Variants in RPS6KC1 observed in about 807,000 individuals in gnomAD.
The protein encoded by RPS6KC1 is ribosomal protein S6 kinase C1.
Under a neutral mutation model 103.8 loss-of-function variants are expected in RPS6KC1, and 54 were observed. That is an observed-to-expected ratio of 0.52 (90% CI 0.42 to 0.65). The LOEUF (loss-of-function observed/expected upper bound fraction) is 0.65, where lower values mean the gene tolerates loss of function less well. Ranked by LOEUF, RPS6KC1 falls within the 30% of genes least tolerant of loss-of-function variation. The probability of loss-of-function intolerance (pLI) is 0.00; values close to 1 mark genes in which losing one functional copy is unlikely to be tolerated. For missense variants in RPS6KC1, 1,151 were observed against 1,253.8 expected (o/e 0.92, Z 1.24); for synonymous variants, 439 against 438.7 (o/e 1.00, Z -0.01).
the RPS6KC1 span, among the ~76,000 whole-genome samples, chr1:213,466,923 C>T: frequency 6.6e-6 from 1 of 152,040 alleles, no homozygotes; most frequent in South Asian, 2.1e-4. Context: ...AAGCAGTTAT[C>T]CAATTTAATA....
chr1:213,722,768 A>G, the RPS6KC1 span, among the ~76,000 whole-genome samples: 4 of 152,190 alleles, frequency 2.6e-5, no homozygotes, highest in Non-Finnish European at 4.4e-5. Context: ...GGGACTCCGC[A>G]GAGGAGTCCG....
chr1:213,850,065 TCTC>T, the RPS6KC1 span, among the ~76,000 whole-genome samples: 9 of 152,172 alleles, frequency 5.9e-5, no homozygotes, highest in African/African-American at 2.2e-4. Context: ...TTTTCCTTCT[TCTC>T]CAATAGTAAC....
At chr1:213,513,198 C>G in the RPS6KC1 span, among the ~76,000 whole-genome samples, 1 of 152,018 alleles carries the variant, frequency 6.6e-6, no homozygotes, top group South Asian at 2.1e-4. Flanking sequence ...GGGCCATGAG[C>G]CAAGGAATGT....
At chr1:213,735,332 A>T in the RPS6KC1 span, among the ~76,000 whole-genome samples, 1 of 152,108 alleles carries the variant, frequency 6.6e-6, no homozygotes, top group African/African-American at 2.4e-5. Flanking sequence ...TTGCCTGGGG[A>T]TGTTCAGTCT....
the RPS6KC1 span, among the ~76,000 whole-genome samples, chr1:213,780,699 G>A: frequency 2.7e-3 from 415 of 152,222 alleles, 1 homozygote; most frequent in African/African-American, 9.5e-3. Flanking sequence ...ATGGCACTTC[G>A]GGGAGGGATG....
chr1:213,240,079 G>T (rs1217801548), intron 10 of RPS6KC1, among the ~76,000 whole-genome samples: 1 of 152,046 alleles, frequency 6.6e-6, no homozygotes, highest in Admixed American at 6.6e-5. Flanking sequence ...CTTTATTAAT[G>T]GTTGCCCAAT....
chr1:213,622,839 A>G, the RPS6KC1 span, among the ~76,000 whole-genome samples: 1 of 152,132 alleles, frequency 6.6e-6, no homozygotes, highest in East Asian at 1.9e-4. Context: ...TTCTAAAACC[A>G]CAAACCACTA....
At chr1:213,775,358 A>C in the RPS6KC1 span, among the ~76,000 whole-genome samples, 1 of 152,126 alleles carries the variant, frequency 6.6e-6, no homozygotes, top group Admixed American at 6.5e-5. Flanking sequence ...TTCTTCCCTA[A>C]ATTTTTTATA....
At chr1:213,745,226 G>A in the RPS6KC1 span, among the ~76,000 whole-genome samples, 1 of 138,668 alleles carries the variant, frequency 7.2e-6, no homozygotes, top group East Asian at 2.7e-4. Context: ...TGGAAGCTAG[G>A]GTTTTTTTTT....
chr1:213,828,472 GT>G, the RPS6KC1 span, among the ~76,000 whole-genome samples: 1 of 152,192 alleles, frequency 6.6e-6, no homozygotes, highest in Non-Finnish European at 1.5e-5. Context: ...CCGTGCACAT[GT>G]TTTAAAAACA....
At chr1:213,821,797 C>G in the RPS6KC1 span, 2 of 152,348 alleles carry the variant, frequency 1.3e-5, no homozygotes, top group Admixed American at 6.5e-5. Flanking sequence ...ATTCATCTCC[C>G]AAGAGGAGAA....
the RPS6KC1 span, among the ~76,000 whole-genome samples, chr1:213,335,698 G>A: frequency 6.6e-6 from 1 of 152,200 alleles, no homozygotes; most frequent in Non-Finnish European, 1.5e-5. Context: ...GGAAATATAG[G>A]TTTTATTCAA....
chr1:213,677,739 G>A, the RPS6KC1 span, among the ~76,000 whole-genome samples: 22 of 152,290 alleles, frequency 1.4e-4, no homozygotes, highest in African/African-American at 5.3e-4. Flanking sequence ...TGGGTGTGGT[G>A]GCTCATACCT....
intron 8 of RPS6KC1, among the ~76,000 whole-genome samples, chr1:213,215,009 C>T (rs778029094): frequency 3.9e-4 from 59 of 152,260 alleles, no homozygotes; most frequent in Admixed American, 7.2e-4. Flanking sequence ...TCACCAGCAA[C>T]GGAACAAAGC....
the RPS6KC1 span, among the ~76,000 whole-genome samples, chr1:213,352,308 G>A: frequency 7.1e-3 from 1,076 of 152,100 alleles, 17 homozygotes; most frequent in African/African-American, 0.025. Flanking sequence ...TCTAAAATTT[G>A]GAAAAACCTG....
chr1:213,751,656 G>T, the RPS6KC1 span, among the ~76,000 whole-genome samples: 5 of 152,176 alleles, frequency 3.3e-5, no homozygotes, highest in African/African-American at 9.7e-5. Flanking sequence ...TAGGAAGGGA[G>T]AGAGAACTGC....
At chr1:213,112,612 G>A (rs776542890) in intron 4 of RPS6KC1, among the ~76,000 whole-genome samples, 10 of 151,430 alleles carry the variant, frequency 6.6e-5, no homozygotes, top group African/African-American at 9.7e-5. Context: ...TGTGCACAAT[G>A]TGCAGGGTAG....
chr1:213,437,941 T>G, the RPS6KC1 span, among the ~76,000 whole-genome samples: 1 of 152,122 alleles, frequency 6.6e-6, no homozygotes, highest in African/African-American at 2.4e-5. Flanking sequence ...ATTTTCTGAT[T>G]TTCTTTTTTA....
chr1:213,519,313 TTAGA>T, the RPS6KC1 span, among the ~76,000 whole-genome samples: 7 of 152,096 alleles, frequency 4.6e-5, no homozygotes, highest in Non-Finnish European at 1.0e-4. Context: ...GTCTGTAATG[TTAGA>T]TTGAGGATGG....
Sources: allele counts gnomAD v4.1 joint callset (sites outside exome capture counted in the v4.1 genomes callset), GRCh38; gene constraint gnomAD v4.1.1; transcripts MANE v1.5; gene names NCBI Gene and HGNC (gene_info 2026-07-23, HGNC 2026-07-21).